Variants in DNAAF1 observed in about 807,000 individuals in gnomAD.
The protein encoded by DNAAF1 is dynein assembly factor 1, axonemal.
In DNAAF1, 65 loss-of-function variants were observed where a neutral mutation model predicts 71.1. That is an observed-to-expected ratio of 0.91 (90% CI 0.75 to 1.12). The LOEUF (loss-of-function observed/expected upper bound fraction) is 1.12. Ranked by LOEUF, DNAAF1 falls within the 50% of genes most tolerant of loss-of-function variation. The pLI is 0.00. For synonymous variants in DNAAF1, 414 were observed against 354.6 expected (o/e 1.17, Z -1.88); for missense variants, 1,178 against 899.8 (o/e 1.31, Z -3.96).
intron 3 of DNAAF1, among the ~76,000 whole-genome samples, chr16:84,153,941 C>CA (rs1015246813): frequency 1.3e-5 from 2 of 152,066 alleles, no homozygotes; most frequent in African/African-American, 4.8e-5. Flanking sequence ...GAAAGACTAC[C>CA]AGTCTTTTCA....
chr16:84,174,491 C>G, intron 9 of DNAAF1, 178 bp from the exon 10 acceptor site: 1 of 1,495,192 alleles, frequency 6.7e-7, no homozygotes, highest in Non-Finnish European at 8.9e-7. Context: ...GGTGGCAACG[C>G]TTGCTTTGTG....
At chr16:84,159,033 A>C (rs2151232574) in intron 5 of DNAAF1, 1 of 987,580 alleles carries the variant, frequency 1.0e-6, no homozygotes, top group South Asian at 4.7e-5. Flanking sequence ...GCCCAGCCCC[A>C]CTAAGCATTA....
rs62048448 is a variant in DNAAF1 at position 84,166,260 on chromosome 16, C to T, written c.1030+311C>T. On this transcript the variant is annotated intron_variant, in intron 7 of 11. Coordinates refer to ENST00000378553, the MANE Select transcript of DNAAF1 (RefSeq NM_178452.6). ...TAGAGATGGGATTTCGCCATGTTGT[C>T]CAGGCTCGTCTCGAACTCCTGGCTT... 0.14 allele frequency among the ~76,000 whole-genome samples: 20,568 copies of T among 151,910 alleles called. 1,447 individuals are homozygous for T. Among genetic ancestry groups the T allele is most frequent in the South Asian group, 0.28 (1,361 of 4,810 alleles).
chr16:84,167,877 C>A (rs368144951), intron 7 of DNAAF1, among the ~76,000 whole-genome samples: 1 of 151,906 alleles, frequency 6.6e-6, no homozygotes, highest in Admixed American at 6.6e-5. Context: ...ATTAGCTGGG[C>A]GTGGTGGCAC....
At position 84,165,589 on chromosome 16, in the gene DNAAF1, T is replaced by C. The variant is rs77606414; in HGVS notation, c.864-194T>C. 0.037 allele frequency among the ~76,000 whole-genome samples: 5,699 copies of C among 152,238 alleles called. 334 individuals carry two copies. The highest frequency in any genetic ancestry group is 0.13 in the African/African-American group (5,423 of 41,534). Reference sequence around the variant, plus strand: ...ATTTTTTCTCTTGTCACTTGTGCTTTTGGTGCCACATCTAAGAAGGCTTTG... The same window carrying C: ...ATTTTTTCTCTTGTCACTTGTGCTTCTGGTGCCACATCTAAGAAGGCTTTG... On this transcript the variant is annotated intron_variant, in intron 6 of 11. Coordinates refer to ENST00000378553, the MANE Select transcript of DNAAF1 (RefSeq NM_178452.6).
chr16:84,160,860 C>T (rs1211907204), intron 6 of DNAAF1, among the ~76,000 whole-genome samples: 1 of 151,866 alleles, frequency 6.6e-6, no homozygotes, highest in East Asian at 1.9e-4. Context: ...TGGCATAAAC[C>T]CGGGAGGCAG....
intron 3 of DNAAF1, among the ~76,000 whole-genome samples, chr16:84,152,956 G>GAAA (rs112416069): frequency 3.0e-5 from 4 of 131,940 alleles, no homozygotes; most frequent in African/African-American, 8.3e-5. Context: ...GACTCCATCT[G>GAAA]AAAAAAAAAA....
rs750949357 is a variant in DNAAF1, at chr16:84,170,146, G to C, written c.1318G>C (p.Gly440Arg). The change falls in exon 8 of 12, where the codon GGG (glycine) becomes CGG (arginine). Residue 440 changes from glycine (G) to arginine (R), a missense_variant. Gly to Arg is a moderately radical substitution (Grantham distance 125). Coordinates refer to ENST00000378553, the MANE Select transcript of DNAAF1 (RefSeq NM_178452.6). The part of the protein sequence containing the change: ...KGEDGDGEPE[G>R]TLPAEAPPPP... ...AGAGGACGGAGATGGAGAGCCAGAG[G>C]GGACCCTCCCAGCTGAGGCCCCACC... 4.4e-6 allele frequency: 7 copies of C among 1,585,562 alleles called. No homozygotes were observed. The East Asian group carries it at 1.7e-4, about 38-fold the overall frequency.
At position 84,156,956 on chromosome 16, in the gene DNAAF1, G is replaced by A. The variant is rs147433854; in HGVS notation, c.741+1207G>A. ...CAGCCTCAACCTCCTGGGCTCAAGC[G>A]ATCCTCCCACCTTAGCCTCACAAGT... On this transcript the variant is annotated intron_variant, in intron 5 of 11. Coordinates refer to ENST00000378553, the MANE Select transcript of DNAAF1 (RefSeq NM_178452.6). Among the ~76,000 whole-genome samples the A allele has an allele frequency of 4.6e-3, 675 of 148,290 alleles. 7 individuals carry two copies. Among genetic ancestry groups the A allele is most frequent in the African/African-American group, 0.016 (647 of 40,232 alleles).
chr16:84,156,343 G>A (rs1342196885), intron 5 of DNAAF1, among the ~76,000 whole-genome samples: 2 of 152,224 alleles, frequency 1.3e-5, no homozygotes, highest in Non-Finnish European at 2.9e-5. Context: ...TTGCATCCTT[G>A]TGGTGCCACT....
At chr16:84,167,090 G>A (rs750513848) in intron 7 of DNAAF1, among the ~76,000 whole-genome samples, 5 of 152,164 alleles carry the variant, frequency 3.3e-5, no homozygotes, top group African/African-American at 7.2e-5. Context: ...CTAACAGAAT[G>A]GCTATAAAAT....
chr16:84,162,111 C>T (rs771820443), intron 6 of DNAAF1: 1 of 152,342 alleles, frequency 6.6e-6, no homozygotes, highest in Middle Eastern at 3.4e-3. Flanking sequence ...CTCAGTGACT[C>T]GTGGTCTTTC....
At chr16:84,155,329 A>G (rs550599451) in intron 4 of DNAAF1, among the ~76,000 whole-genome samples, 2 of 152,104 alleles carry the variant, frequency 1.3e-5, no homozygotes, top group Non-Finnish European at 2.9e-5. Context: ...CCTGGTCTCA[A>G]GCGATCCTCC....
At position 84,149,065 on chromosome 16, in the gene DNAAF1, G is replaced by T; in HGVS notation, c.183G>T (p.Gln61His). ...CTTCTGACACATCCTACCACAGCCA[G>T]CAGAAACAGAGTGGTGATAATGGGT... ...VGSSDTSYHS[Q>H]QKQSGDNGSG... Residue 61 changes from glutamine (Q) to histidine (H), a missense_variant, in exon 2 of 12, where the codon CAG becomes CAT. Transcript: ENST00000378553. 11 of 1,614,132 alleles carry T rather than the reference G, an allele frequency of 6.8e-6. No homozygotes were observed. The highest frequency in any genetic ancestry group is 9.3e-6 in the Non-Finnish European group (11 of 1,180,022).
At chr16:84,148,698 G>A (rs551369337) in intron 1 of DNAAF1, among the ~76,000 whole-genome samples, 7 of 146,076 alleles carry the variant, frequency 4.8e-5, no homozygotes, top group African/African-American at 1.0e-4. Flanking sequence ...TCCCAAGCTC[G>A]AGTGATCAAC....
intron 1 of DNAAF1, among the ~76,000 whole-genome samples, chr16:84,148,686 C>A (rs900451129): frequency 6.9e-6 from 1 of 144,490 alleles, no homozygotes; most frequent in Non-Finnish European, 1.5e-5. Context: ...GCAGCCTTGA[C>A]TTCCCAAGCT....
chr16:84,152,331 A>G (rs184722115), intron 3 of DNAAF1, among the ~76,000 whole-genome samples: 3 of 152,310 alleles, frequency 2.0e-5, no homozygotes, highest in African/African-American at 7.2e-5. Flanking sequence ...TAAGAAAGAG[A>G]GAGAGACATA....
intron 8 of DNAAF1, 78 bp from the exon 9 acceptor site, chr16:84,172,182 G>A: frequency 7.2e-7 from 1 of 1,392,420 alleles, no homozygotes; most frequent in African/African-American, 1.4e-5. Context: ...CGGCCCTTGG[G>A]AGCCCATCTT....
intron 9 of DNAAF1, chr16:84,172,722 C>G (rs2088430545): frequency 8.5e-6 from 10 of 1,175,472 alleles, no homozygotes; most frequent in Non-Finnish European, 9.6e-6. Flanking sequence ...GTTGCCTTAT[C>G]CAAATTCGTG....
Sources: allele counts gnomAD v4.1 joint callset (sites outside exome capture counted in the v4.1 genomes callset), GRCh38; gene constraint gnomAD v4.1.1; transcripts MANE v1.5; gene names NCBI Gene and HGNC (gene_info 2026-07-23, HGNC 2026-07-21).